Variants in GRM8 observed in about 807,000 individuals in gnomAD.
The protein encoded by GRM8 is glutamate metabotropic receptor 8.
In GRM8, 47 loss-of-function variants were observed where a neutral mutation model predicts 87.2. That is an observed-to-expected ratio of 0.54 (90% CI 0.43 to 0.69). The LOEUF is 0.69. Among genes scored for constraint, GRM8 ranks in the 30% least tolerant of loss-of-function variants. The pLI, the probability that GRM8 is intolerant of heterozygous loss-of-function variation, is 0.00. For synonymous variants in GRM8, 396 were observed against 404.5 expected (o/e 0.98, Z 0.25); for missense variants, 1,019 against 1,139.2 (o/e 0.89, Z 1.52).
At chr7:126,448,113 A>G (rs111341904) in intron 9 of GRM8, among the ~76,000 whole-genome samples, 2,409 of 152,060 alleles carry the variant, frequency 0.016, 28 homozygotes, top group Middle Eastern at 0.027. Context: ...AAAAACCTAC[A>G]TAGAAAATTG....
At chr7:127,201,093 T>C (rs1587261347) in intron 2 of GRM8, among the ~76,000 whole-genome samples, 1 of 152,212 alleles carries the variant, frequency 6.6e-6, no homozygotes, top group African/African-American at 2.4e-5. Context: ...ATTGCTTCAT[T>C]TGATACTCAC....
At chr7:126,578,775 C>A (rs1167890278) in intron 8 of GRM8, among the ~76,000 whole-genome samples, 1 of 152,056 alleles carries the variant, frequency 6.6e-6, no homozygotes, top group Non-Finnish European at 1.5e-5. Flanking sequence ...GTCTTTAATT[C>A]AGTTCTCTAA....
At chr7:126,595,157 A>C (rs189198995) in intron 8 of GRM8, among the ~76,000 whole-genome samples, 176 of 151,892 alleles carry the variant, frequency 1.2e-3, no homozygotes, top group African/African-American at 3.8e-3. Flanking sequence ...ATATTACTTT[A>C]TTTTTACTTT....
chr7:126,758,627 T>C (rs1487111548), intron 7 of GRM8, among the ~76,000 whole-genome samples: 2 of 152,176 alleles, frequency 1.3e-5, no homozygotes, highest in African/African-American at 2.4e-5. Context: ...GGGCACACAA[T>C]AGACATTTAA....
intron 3 of GRM8, among the ~76,000 whole-genome samples, chr7:127,001,101 T>G (rs1295233074): frequency 2.6e-5 from 4 of 151,614 alleles, no homozygotes; most frequent in Non-Finnish European, 5.9e-5. Context: ...TGACAGAATG[T>G]CAGAAATAGA....
At chr7:127,166,406 G>A (rs1174067564) in intron 2 of GRM8, among the ~76,000 whole-genome samples, 2 of 152,004 alleles carry the variant, frequency 1.3e-5, no homozygotes, top group Non-Finnish European at 2.9e-5. Flanking sequence ...GCCTTTCTTT[G>A]CCAGCCAGGA....
At chr7:126,538,975 T>C (rs940305941) in intron 8 of GRM8, among the ~76,000 whole-genome samples, 1 of 152,004 alleles carries the variant, frequency 6.6e-6, no homozygotes, top group Admixed American at 6.5e-5. Flanking sequence ...CTTTGAGTCA[T>C]GTACAGCTTT....
intron 7 of GRM8, among the ~76,000 whole-genome samples, chr7:126,769,128 A>T (rs540035043): frequency 6.6e-6 from 1 of 152,156 alleles, no homozygotes; most frequent in East Asian, 1.9e-4. Context: ...GCATTCTATC[A>T]TTTCATTTGA....
intron 6 of GRM8, among the ~76,000 whole-genome samples, chr7:126,785,748 T>G (rs1035944900): frequency 1.3e-5 from 2 of 151,914 alleles, no homozygotes; most frequent in African/African-American, 4.8e-5. Flanking sequence ...GATAGCAGAG[T>G]AATAAACTAG....
At chr7:126,651,559 A>G (rs978438402) in intron 7 of GRM8, among the ~76,000 whole-genome samples, 2 of 152,156 alleles carry the variant, frequency 1.3e-5, no homozygotes, top group African/African-American at 4.8e-5. Context: ...GTACCGCGAC[A>G]TTATGTTCTG....
intron 2 of GRM8, among the ~76,000 whole-genome samples, chr7:127,171,769 C>T (rs17869426): frequency 0.012 from 1,815 of 152,146 alleles, 38 homozygotes; most frequent in African/African-American, 0.042. Flanking sequence ...GCATTGTGAT[C>T]ATCTGGAACC....
intron 6 of GRM8, among the ~76,000 whole-genome samples, chr7:126,808,308 C>A (rs935425716): frequency 3.3e-5 from 5 of 152,078 alleles, no homozygotes; most frequent in Non-Finnish European, 5.9e-5. Context: ...CCATCACCTA[C>A]CGAAAAGGAT....
At chr7:127,152,860 T>C (rs1470359681) in intron 2 of GRM8, among the ~76,000 whole-genome samples, 1 of 152,168 alleles carries the variant, frequency 6.6e-6, no homozygotes, top group Non-Finnish European at 1.5e-5. Flanking sequence ...TCAACTGTTA[T>C]ATATTACTTA....
intron 9 of GRM8, among the ~76,000 whole-genome samples, chr7:126,474,628 A>T (rs2150570406): frequency 6.6e-6 from 1 of 152,284 alleles, no homozygotes; most frequent in East Asian, 1.9e-4. Context: ...AAAGAGTCCT[A>T]GAGATAGGCC....
chr7:126,501,444 G>A (rs960071721), intron 9 of GRM8, among the ~76,000 whole-genome samples: 1 of 151,996 alleles, frequency 6.6e-6, no homozygotes, highest in Non-Finnish European at 1.5e-5. Context: ...GACTCCAAAA[G>A]ATACCTGCAC....
At chr7:127,195,962 G>C (rs529103057) in intron 2 of GRM8, among the ~76,000 whole-genome samples, 8 of 152,234 alleles carry the variant, frequency 5.3e-5, no homozygotes, top group African/African-American at 1.9e-4. Context: ...ATAAATAAAT[G>C]AATGGATGGA....
intron 2 of GRM8, among the ~76,000 whole-genome samples, chr7:127,195,451 C>T (rs956037147): frequency 1.3e-5 from 2 of 152,058 alleles, no homozygotes; most frequent in Non-Finnish European, 2.9e-5. Flanking sequence ...TCAGAATGAA[C>T]AAAACTAGTT....
Position 126,446,298 on chromosome 7 carries a change from C to G in GRM8, c.2505G>C (p.Met835Ile). Reference protein sequence around the residue: ...SASVSLGMLYMPKVYIIIFHP... With the variant: ...SASVSLGMLYIPKVYIIIFHP... ...GAAAAATTATAATATAAACCTTGGGCATATAGAGCATGCCCAGAGATACTG... is the reference window on the plus strand; with the variant it reads ...GAAAAATTATAATATAAACCTTGGGGATATAGAGCATGCCCAGAGATACTG... The change falls in exon 10 of 11, where the codon ATG (methionine) becomes ATC (isoleucine). Residue 835 changes from methionine (M) to isoleucine (I), a missense_variant. By Grantham distance (10) the Met-to-Ile change is conservative. Coordinates refer to ENST00000339582, the MANE Select transcript of GRM8 (RefSeq NM_000845.3). The G allele has an allele frequency of 5.0e-6, 8 of 1,610,308 alleles. No homozygotes were observed. The highest frequency in any genetic ancestry group is 6.8e-6 in the Non-Finnish European group (8 of 1,177,360).
At chr7:126,537,903 T>C (rs2150882211) in intron 8 of GRM8, among the ~76,000 whole-genome samples, 1 of 152,330 alleles carries the variant, frequency 6.6e-6, no homozygotes, top group South Asian at 2.1e-4. Flanking sequence ...TAACAAATTA[T>C]ACCATCTTTC....
Sources: allele counts gnomAD v4.1 joint callset (sites outside exome capture counted in the v4.1 genomes callset), GRCh38; gene constraint gnomAD v4.1.1; transcripts MANE v1.5; gene names NCBI Gene and HGNC (gene_info 2026-07-23, HGNC 2026-07-21).